The following NARS2 variants were observed in gnomAD, a reference collection of about 807,000 sequenced individuals.
NARS2 encodes asparaginyl-tRNA synthetase.
A neutral mutation model predicts 62.9 loss-of-function variants in NARS2; 60 were observed. That is an observed-to-expected ratio of 0.95 (90% CI 0.77 to 1.18). The LOEUF (loss-of-function observed/expected upper bound fraction) is 1.18. Ranked by LOEUF, NARS2 falls within the 50% of genes most tolerant of loss-of-function variation. The pLI is 0.00. For missense variants in NARS2, 619 were observed against 576.4 expected (o/e 1.07, Z -0.76); for synonymous variants, 196 against 200.0 (o/e 0.98, Z 0.17).
chr11:78,540,106 T>C (rs745829852), intron 5 of NARS2, among the ~76,000 whole-genome samples: 1 of 152,170 alleles, frequency 6.6e-6, no homozygotes, highest in Admixed American at 6.5e-5. Context: ...TTCTCTATTA[T>C]GCAAAACAAA....
chr11:78,535,209 C>A (rs552076189), intron 5 of NARS2, among the ~76,000 whole-genome samples: 1 of 152,182 alleles, frequency 6.6e-6, no homozygotes, highest in South Asian at 2.1e-4. Context: ...GGGTGTTTTC[C>A]CCCGCCAAGG....
At chr11:78,446,813 CACAG>C (rs1013270896) in intron 11 of NARS2, among the ~76,000 whole-genome samples, 2 of 151,898 alleles carry the variant, frequency 1.3e-5, no homozygotes, top group Non-Finnish European at 2.9e-5. Flanking sequence ...ACTCCAAAAG[CACAG>C]ACAACCAATG....
Position 78,566,016 on chromosome 11 carries a change from A to G in NARS2, c.513+116T>C, listed in dbSNP as rs538146303. The G allele has an allele frequency of 1.1e-4, 93 of 858,482 alleles. No individual in the cohort carries two copies. The African/African-American group carries it at 1.4e-3, about 13-fold the overall frequency. 53.2% of individuals were successfully genotyped at this position (858,482 alleles called of 1,614,324 possible). On this transcript the variant is annotated intron_variant, in intron 4 of 13. Transcript: ENST00000281038. ...ACCATAACCCATAATGAAGAGACCA[A>G]TCAAAACTAACCCATAACTAACAGA...
At chr11:78,474,678 C>A (rs2135248177) in intron 9 of NARS2, among the ~76,000 whole-genome samples, 1 of 152,272 alleles carries the variant, frequency 6.6e-6, no homozygotes, top group African/African-American at 2.4e-5. Context: ...CTGTTAAAGG[C>A]ACTGGGCTAA....
intron 12 of NARS2, among the ~76,000 whole-genome samples, chr11:78,441,352 T>C (rs554998072): frequency 8.7e-4 from 133 of 152,146 alleles, no homozygotes; most frequent in African/African-American, 3.2e-3. Context: ...AGAAAGAAAA[T>C]ATGATCCAGA....
chr11:78,518,813 G>A (rs1024669432), intron 6 of NARS2, among the ~76,000 whole-genome samples: 16 of 152,170 alleles, frequency 1.1e-4, no homozygotes, highest in Non-Finnish European at 2.2e-4. Flanking sequence ...CACTGCACCC[G>A]GCCAGAATTT....
intron 3 of NARS2, 95 bp from the exon 4 acceptor site, chr11:78,566,367 C>G (rs894098348): frequency 1.2e-5 from 11 of 954,544 alleles, no homozygotes; most frequent in Non-Finnish European, 1.5e-5. Flanking sequence ...GCTTTGGAAC[C>G]AAACTAAGAT....
At chr11:78,530,320 T>C (rs907144953) in intron 5 of NARS2, among the ~76,000 whole-genome samples, 4 of 152,172 alleles carry the variant, frequency 2.6e-5, no homozygotes, top group Non-Finnish European at 5.9e-5. Flanking sequence ...AGAATTGCTT[T>C]CCGAAATGAG....
At chr11:78,567,748 C>T (rs180975801) in intron 3 of NARS2, among the ~76,000 whole-genome samples, 1 of 152,236 alleles carries the variant, frequency 6.6e-6, no homozygotes, top group African/African-American at 2.4e-5. Flanking sequence ...TCCTATTATA[C>T]TGAAAGAATA....
At chr11:78,523,578 G>A (rs918530575) in intron 6 of NARS2, among the ~76,000 whole-genome samples, 12 of 152,186 alleles carry the variant, frequency 7.9e-5, no homozygotes, top group African/African-American at 2.4e-5. Context: ...CTCATTATCT[G>A]ATAAATGAAG....
intron 6 of NARS2, among the ~76,000 whole-genome samples, 187 bp from the exon 7 acceptor site, chr11:78,493,382 T>C (rs1304989711): frequency 2.6e-5 from 4 of 152,226 alleles, no homozygotes; most frequent in African/African-American, 7.2e-5. Context: ...AAATGTTACA[T>C]TGAGGCTGGG....
chr11:78,520,161 A>C (rs1224679695), intron 6 of NARS2, among the ~76,000 whole-genome samples: 1 of 152,246 alleles, frequency 6.6e-6, no homozygotes, highest in Non-Finnish European at 1.5e-5. Context: ...TTGGCTTAAA[A>C]CAACAGAAAT....
intron 5 of NARS2, among the ~76,000 whole-genome samples, chr11:78,554,508 C>G (rs11237543): frequency 1.4e-4 from 20 of 146,914 alleles, no homozygotes; most frequent in Middle Eastern, 3.2e-3. Context: ...GGCGTGTGTG[C>G]GTGTGTGTGT....
chr11:78,526,555 A>C (rs948765057), intron 6 of NARS2, among the ~76,000 whole-genome samples: 4 of 152,214 alleles, frequency 2.6e-5, no homozygotes, highest in Non-Finnish European at 5.9e-5. Flanking sequence ...GCATATTAAT[A>C]GTCCTAGAAC....
intron 5 of NARS2, among the ~76,000 whole-genome samples, chr11:78,556,685 A>G (rs1284572125): frequency 2.0e-5 from 3 of 152,250 alleles, no homozygotes; most frequent in East Asian, 3.8e-4. Context: ...ATGAAAGTCA[A>G]TTAAGATCTT....
intron 7 of NARS2, among the ~76,000 whole-genome samples, chr11:78,481,099 G>A (rs1451506975): frequency 6.6e-6 from 1 of 151,990 alleles, no homozygotes; most frequent in Non-Finnish European, 1.5e-5. Context: ...AGGATTACAG[G>A]CATGAGCCAC....
chr11:78,445,940 G>A (rs1049056504), intron 11 of NARS2, among the ~76,000 whole-genome samples: 3 of 152,042 alleles, frequency 2.0e-5, no homozygotes, highest in Non-Finnish European at 2.9e-5. Context: ...TAGTCTAGGC[G>A]ACAGGCAAGA....
intron 6 of NARS2, among the ~76,000 whole-genome samples, chr11:78,520,579 A>G (rs879525106): frequency 5.9e-5 from 9 of 152,204 alleles, no homozygotes; most frequent in African/African-American, 1.9e-4. Context: ...TATCCATAAA[A>G]ACAGAAATTT....
intron 6 of NARS2, among the ~76,000 whole-genome samples, chr11:78,495,038 C>T (rs889380302): frequency 6.6e-6 from 1 of 152,136 alleles, no homozygotes; most frequent in Non-Finnish European, 1.5e-5. Context: ...AAACCTTTGT[C>T]TACTGCTTAG....
Sources: gnomAD v4.1 joint callset for allele counts (sites outside exome capture counted in the v4.1 genomes callset) on GRCh38, gnomAD v4.1.1 for gene constraint, MANE v1.5 for transcripts, NCBI Gene and HGNC (gene_info 2026-07-23, HGNC 2026-07-21) for gene names.